Variants in SUPT20H observed in about 807,000 individuals in gnomAD.
SUPT20H encodes the protein transcription factor SPT20 homolog.
A neutral mutation model predicts 122.8 loss-of-function variants in SUPT20H; 82 were observed. The observed-to-expected ratio is 0.67, with a 90% CI of 0.56 to 0.80. The LOEUF (loss-of-function observed/expected upper bound fraction) is 0.80. Ranked by LOEUF, SUPT20H falls within the 30% of genes least tolerant of loss-of-function variation. The pLI is 0.00. For missense variants in SUPT20H, 831 were observed against 921.6 expected (o/e 0.90, Z 1.27); for synonymous variants, 291 against 313.0 (o/e 0.93, Z 0.74).
intron 14 of SUPT20H, 85 bp downstream of exon 14, chr13:37,028,062 TC>T (rs1387274613): frequency 1.6e-6 from 2 of 1,248,862 alleles, no homozygotes; most frequent in Admixed American, 6.6e-5. Flanking sequence ...AAATTTTTAT[TC>T]ATTAATGGTT....
chr13:37,048,013 C>T (rs1422067673), intron 3 of SUPT20H, 77 bp from the exon 4 acceptor site: 2 of 1,080,798 alleles, frequency 1.9e-6, no homozygotes, highest in African/African-American at 3.2e-5. Context: ...ATATCTAAAA[C>T]ATACGTAAGG....
At chr13:37,025,036 G>A in intron 17 of SUPT20H, 1 of 335,874 alleles carries the variant, frequency 3.0e-6, no homozygotes, top group South Asian at 2.4e-5. Context: ...CCACCTCCGG[G>A]GTTCAAGAGA....
Position 37,010,549 on chromosome 13 carries a change from T to A in SUPT20H, c.2202+3A>T. 1 of 1,613,132 alleles carries A rather than the reference T, an allele frequency of 6.2e-7. No homozygotes were observed. The highest frequency in any genetic ancestry group is 8.5e-7 in the Non-Finnish European group (1 of 1,179,260). ...TGTAATCAGAGTGAAGTTGCTGGATTACTTGTATCTGTTGCTGCTGCTGTT... is the reference window on the plus strand; with the variant it reads ...TGTAATCAGAGTGAAGTTGCTGGATAACTTGTATCTGTTGCTGCTGCTGTT... On this transcript the variant is annotated splice_donor_region_variant and intron_variant, in intron 25 of 25. Coordinates refer to ENST00000350612, the MANE Select transcript of SUPT20H (RefSeq NM_001014286.3).
intron 19 of SUPT20H, 64 bp downstream of exon 19, chr13:37,023,971 G>A (rs1594060945): frequency 6.6e-7 from 1 of 1,520,096 alleles, no homozygotes; most frequent in Non-Finnish European, 8.9e-7. Flanking sequence ...GAAAAAAGCT[G>A]TCTTAAGAAA....
At chr13:37,033,095 A>T (rs542553690) in intron 10 of SUPT20H, among the ~76,000 whole-genome samples, 2 of 152,142 alleles carry the variant, frequency 1.3e-5, no homozygotes, top group East Asian at 3.9e-4. Context: ...TCTTTAAAAG[A>T]CTGCAGAAAA....
intron 5 of SUPT20H, among the ~76,000 whole-genome samples, chr13:37,046,602 G>C (rs1452096970): frequency 6.6e-6 from 1 of 152,148 alleles, no homozygotes; most frequent in Non-Finnish European, 1.5e-5. Flanking sequence ...TTAGCTGGTG[G>C]AGAGTGGCTT....
Position 37,032,733 on chromosome 13 carries a change from A to C in SUPT20H, c.707+716T>G, listed in dbSNP as rs148338922. On this transcript the variant is annotated intron_variant, in intron 10 of 25. Transcript: ENST00000350612. Reference sequence around the variant, plus strand: ...TTCTCACAGTGACTACCGGGGAAAAATCCCCTCATGTTTCCCATGGAGGGT... The same window carrying C: ...TTCTCACAGTGACTACCGGGGAAAACTCCCCTCATGTTTCCCATGGAGGGT... 2.4e-4 allele frequency among the ~76,000 whole-genome samples: 37 copies of C among 152,248 alleles called. No homozygotes were observed. The East Asian group carries it at 6.2e-3, about 25-fold the overall frequency.
chr13:37,017,773 G>C (rs1477859460), intron 22 of SUPT20H, among the ~76,000 whole-genome samples: 1 of 152,050 alleles, frequency 6.6e-6, no homozygotes, highest in Non-Finnish European at 1.5e-5. Context: ...TTCTAGTTTT[G>C]CCAAAAACAC....
At chr13:37,026,730 T>A in intron 15 of SUPT20H, 60 bp downstream of exon 15, 2 of 1,020,284 alleles carry the variant, frequency 2.0e-6, no homozygotes, top group Non-Finnish European at 2.8e-6. Context: ...CAAGTCTTTT[T>A]AAAGAGTTTG....
chr13:37,046,348 C>T (rs1834304016), intron 5 of SUPT20H, among the ~76,000 whole-genome samples: 2 of 152,216 alleles, frequency 1.3e-5, no homozygotes, highest in Middle Eastern at 6.8e-3. Context: ...TAAATTTTTA[C>T]AGTATGTGTA....
chr13:37,025,167 C>T (rs768404940), intron 17 of SUPT20H, 153 bp downstream of exon 17: 46 of 649,630 alleles, frequency 7.1e-5, no homozygotes, highest in Non-Finnish European at 1.2e-4. Context: ...GTCTCGAACT[C>T]CCGACCTCAG....
chr13:37,051,676 T>C, intron 1 of SUPT20H, 93 bp from the exon 2 acceptor site: 3 of 463,724 alleles, frequency 6.5e-6, no homozygotes, highest in Non-Finnish European at 7.8e-6. Context: ...ACAAGGAAAA[T>C]TACTTATATT....
At chr13:37,039,719 A>G (rs544544942) in intron 9 of SUPT20H, 1 of 152,098 alleles carries the variant, frequency 6.6e-6, no homozygotes, top group Non-Finnish European at 1.5e-5. Flanking sequence ...CTTAAAAAAA[A>G]AAAGTTTAAA....
At chr13:37,032,532 AC>A (rs2063552521) in intron 10 of SUPT20H, among the ~76,000 whole-genome samples, 1 of 152,116 alleles carries the variant, frequency 6.6e-6, no homozygotes, top group Non-Finnish European at 1.5e-5. Context: ...TGAAGCAGAA[AC>A]CCATTAGCAG....
chr13:37,031,354 A>G (rs113045388), intron 12 of SUPT20H, among the ~76,000 whole-genome samples: 2 of 152,146 alleles, frequency 1.3e-5, no homozygotes, highest in African/African-American at 4.8e-5. Context: ...CTTTCAACTT[A>G]ATGTGAAAAA....
At chr13:37,010,737 AAAT>A in intron 24 of SUPT20H, 82 bp from the exon 25 acceptor site, 1 of 949,296 alleles carries the variant, frequency 1.1e-6, no homozygotes, top group Non-Finnish European at 1.6e-6. Context: ...ATAGAAAATG[AAAT>A]AATAGAAAAG....
At chr13:37,032,724 C>T (rs999846178) in intron 10 of SUPT20H, among the ~76,000 whole-genome samples, 7 of 152,030 alleles carry the variant, frequency 4.6e-5, no homozygotes, top group Non-Finnish European at 8.8e-5. Context: ...CAGTGACTAC[C>T]GGGGAAAAAT....
intron 1 of SUPT20H, among the ~76,000 whole-genome samples, chr13:37,053,055 T>G (rs1237240637): frequency 6.6e-6 from 1 of 152,198 alleles, no homozygotes; most frequent in Non-Finnish European, 1.5e-5. Context: ...ACAGGAACAC[T>G]TTTACACTGT....
Position 37,040,680 on chromosome 13 carries a change from G to A in SUPT20H, c.409C>T (p.His137Tyr), listed in dbSNP as rs1263643618. The part of the protein sequence containing the change: ...LLEKSQVNIF[H>Y]CGCVIAEIRD... ...ATTTCTGCTATGACACATCCGCAAT[G>A]AAAAATATTAACCTGTTTGGGCAAA... The change falls in exon 8 of 26, where the codon CAT becomes TAT. Residue 137 changes from histidine to tyrosine, a missense_variant. Coordinates refer to ENST00000350612, the MANE Select transcript of SUPT20H (RefSeq NM_001014286.3). 2.5e-6 allele frequency: 4 copies of A among 1,612,216 alleles called. No homozygotes were observed. The Admixed American group carries it at 6.7e-5, about 27-fold the overall frequency.
Sources: allele counts gnomAD v4.1 joint callset (sites outside exome capture counted in the v4.1 genomes callset), GRCh38; gene constraint gnomAD v4.1.1; transcripts MANE v1.5; gene names NCBI Gene and HGNC (gene_info 2026-07-23, HGNC 2026-07-21).